GRM7: variants seen among roughly 807,000 people sequenced by gnomAD.
GRM7 encodes glutamate metabotropic receptor 7, also known as metabotropic glutamate receptor 7.
A neutral mutation model predicts 84.5 loss-of-function variants in GRM7; 35 were observed. The ratio of observed to expected loss-of-function variants is 0.41; its 90% CI spans 0.32 to 0.55. The LOEUF (loss-of-function observed/expected upper bound fraction) is 0.55, where lower values mean the gene tolerates loss of function less well. Among genes scored for constraint, GRM7 ranks in the 20% least tolerant of loss-of-function variants. GRM7 has a pLI of 0.19. For synonymous variants in GRM7, 487 were observed against 455.1 expected (o/e 1.07, Z -0.89); for missense variants, 1,003 against 1,194.6 (o/e 0.84, Z 2.36).
At chr3:7,199,793 C>G (rs1189893279) in intron 2 of GRM7, among the ~76,000 whole-genome samples, 4 of 152,154 alleles carry the variant, frequency 2.6e-5, no homozygotes, top group African/African-American at 9.7e-5. Context: ...TAATTTTTCT[C>G]TAAAGCCATA....
chr3:7,472,108 C>A (rs949418602), intron 7 of GRM7, among the ~76,000 whole-genome samples: 19 of 152,182 alleles, frequency 1.2e-4, no homozygotes, highest in Non-Finnish European at 2.5e-4. Flanking sequence ...CCCTCTCCTT[C>A]TCTCTTGCTT....
chr3:7,298,312 T>C (rs1013607244), intron 2 of GRM7, among the ~76,000 whole-genome samples: 1 of 152,158 alleles, frequency 6.6e-6, no homozygotes, highest in Non-Finnish European at 1.5e-5. Context: ...TCAAGTTTCT[T>C]TATTGTGGTT....
intron 8 of GRM7, among the ~76,000 whole-genome samples, chr3:7,637,927 A>G (rs1350912123): frequency 6.6e-6 from 1 of 152,220 alleles, no homozygotes; most frequent in Non-Finnish European, 1.5e-5. Context: ...CGATCTCAGC[A>G]GACTCAGTAA....
At chr3:6,902,163 G>A (rs775375949) in intron 1 of GRM7, among the ~76,000 whole-genome samples, 4 of 151,978 alleles carry the variant, frequency 2.6e-5, no homozygotes, top group Non-Finnish European at 4.4e-5. Flanking sequence ...CCTAACCTCC[G>A]GATTAATGTC....
intron 7 of GRM7, among the ~76,000 whole-genome samples, chr3:7,545,902 A>C (rs1156888970): frequency 1.3e-5 from 2 of 152,168 alleles, no homozygotes; most frequent in South Asian, 2.1e-4. Context: ...AAAATCAGAC[A>C]CTCAGGCTAG....
chr3:7,030,931 C>T (rs1696162340), intron 1 of GRM7, among the ~76,000 whole-genome samples: 1 of 152,144 alleles, frequency 6.6e-6, no homozygotes, highest in African/African-American at 2.4e-5. Flanking sequence ...TTAAAACATC[C>T]TCCTCTCTTG....
At chr3:7,095,944 A>G (rs555180492) in intron 1 of GRM7, among the ~76,000 whole-genome samples, 2 of 152,308 alleles carry the variant, frequency 1.3e-5, no homozygotes, top group South Asian at 2.1e-4. Context: ...TATGTCATAT[A>G]TATTTTAGGT....
At chr3:7,191,040 C>A (rs2125105432) in intron 2 of GRM7, among the ~76,000 whole-genome samples, 1 of 152,152 alleles carries the variant, frequency 6.6e-6, no homozygotes, top group South Asian at 2.1e-4. Context: ...TTCAATATAA[C>A]AGGGGACAAT....
At chr3:7,395,719 C>T (rs1393721720) in intron 4 of GRM7, among the ~76,000 whole-genome samples, 1 of 152,162 alleles carries the variant, frequency 6.6e-6, no homozygotes, top group Non-Finnish European at 1.5e-5. Context: ...ATTCGCTTTC[C>T]ACCATGATTA....
At chr3:7,407,448 G>T (rs1575290313) in intron 4 of GRM7, among the ~76,000 whole-genome samples, 1 of 152,120 alleles carries the variant, frequency 6.6e-6, no homozygotes, top group South Asian at 2.1e-4. Context: ...AAGGGTAGAG[G>T]GTTGTTACTT....
intron 4 of GRM7, among the ~76,000 whole-genome samples, chr3:7,373,050 C>A (rs1184035057): frequency 6.6e-6 from 1 of 152,002 alleles, no homozygotes; most frequent in East Asian, 1.9e-4. Context: ...GAATTATGAT[C>A]CACTTATTGA....
chr3:7,284,973 G>A (rs1021662381), intron 2 of GRM7, among the ~76,000 whole-genome samples: 1 of 152,118 alleles, frequency 6.6e-6, no homozygotes, highest in African/African-American at 2.4e-5. Context: ...AATAGTTACT[G>A]CAGCAGTTAT....
intron 1 of GRM7, among the ~76,000 whole-genome samples, chr3:6,876,245 G>A (rs1359647066): frequency 6.6e-6 from 1 of 151,830 alleles, no homozygotes; most frequent in Non-Finnish European, 1.5e-5. Context: ...TCCAATCTGG[G>A]TGACAGAGCG....
chr3:7,573,890 T>G lies in GRM7; in HGVS notation c.1516-4532T>G, dbSNP rs1023910821. 1.5e-4 allele frequency among the ~76,000 whole-genome samples: 23 copies of G among 152,226 alleles called. 1 individual carries two copies. Among genetic ancestry groups the G allele is most frequent in the Non-Finnish European group, 1.6e-4 (11 of 68,040 alleles). On this transcript the variant is annotated intron_variant, in intron 7 of 9. Transcript: ENST00000357716. ...TTCTGACACACTAAGAAGGTTTGCATGTACCAAATGCAGAGAAAATGTATT... is the reference window on the plus strand; with the variant it reads ...TTCTGACACACTAAGAAGGTTTGCAGGTACCAAATGCAGAGAAAATGTATT...
At chr3:7,502,771 T>G (rs1231213290) in intron 7 of GRM7, among the ~76,000 whole-genome samples, 1 of 152,238 alleles carries the variant, frequency 6.6e-6, no homozygotes, top group Non-Finnish European at 1.5e-5. Context: ...GTAGCTACTG[T>G]TTCCTAAGTG....
rs542965709 is a variant in GRM7 at position 6,871,813 on chromosome 3, G to T, written c.519+9906G>T. 6.6e-5 allele frequency among the ~76,000 whole-genome samples: 10 copies of T among 152,108 alleles called. No homozygotes were observed. In the East Asian group the frequency reaches 1.9e-3, roughly 29 times the overall value. ...TTCTAGTGTTCAGGGGGAAAGCAGC[G>T]TGTAGTAAATTTTATCAAAATATAG... is the stretch of plus-strand genomic sequence containing the variant. On this transcript the variant is annotated intron_variant, in intron 1 of 9. Transcript: ENST00000357716.
At chr3:7,599,793 A>G (rs1575540334) in intron 8 of GRM7, among the ~76,000 whole-genome samples, 2 of 152,098 alleles carry the variant, frequency 1.3e-5, no homozygotes, top group African/African-American at 2.4e-5. Context: ...AAGGCTGTCA[A>G]TTACCTGCTG....
At chr3:7,728,476 C>T (rs1226573127) in intron 9 of GRM7, among the ~76,000 whole-genome samples, 1 of 152,108 alleles carries the variant, frequency 6.6e-6, no homozygotes, top group African/African-American at 2.4e-5. Flanking sequence ...TCTACTTGAC[C>T]TATGAGGGCC....
At chr3:7,393,484 C>T (rs937052828) in intron 4 of GRM7, among the ~76,000 whole-genome samples, 15 of 152,294 alleles carry the variant, frequency 9.8e-5, no homozygotes, top group South Asian at 2.1e-4. Context: ...GGTCTCAAAT[C>T]GGTTTCTGGC....
Sources: gnomAD v4.1 joint callset for allele counts (sites outside exome capture counted in the v4.1 genomes callset) on GRCh38, gnomAD v4.1.1 for gene constraint, MANE v1.5 for transcripts, NCBI Gene and HGNC (gene_info 2026-07-23, HGNC 2026-07-21) for gene names.